PYM1: variants seen among roughly 807,000 people sequenced by gnomAD.
PYM1 encodes PYM1 exon junction complex associated factor.
Under a neutral mutation model 20.7 loss-of-function variants are expected in PYM1, and 7 were observed. The observed-to-expected ratio is 0.34, with a 90% CI of 0.19 to 0.64. The LOEUF is 0.64. PYM1 is among the 30% of genes least tolerant of loss of function. The pLI is 0.74. For missense variants in PYM1, 194 were observed against 250.0 expected (o/e 0.78, Z 1.51); for synonymous variants, 100 against 99.2 (o/e 1.01, Z -0.05).
chr12:55,922,445 CAA>C (rs56355933), intron 1 of PYM1, among the ~76,000 whole-genome samples: 4 of 86,218 alleles, frequency 4.6e-5, no homozygotes, highest in African/African-American at 9.1e-5. Context: ...CCATCTTTAC[CAA>C]AAAAAAAAAA....
At chr12:55,917,997 T>C (rs376478382) in intron 1 of PYM1, among the ~76,000 whole-genome samples, 14 of 151,812 alleles carry the variant, frequency 9.2e-5, no homozygotes, top group South Asian at 6.2e-4. Context: ...AACTTAACTA[T>C]TGGGTACTAA....
rs901587272 is a variant in PYM1, at chr12:55,927,796, G to T, written c.-35C>A. 8 of 1,535,078 alleles carry T rather than the reference G, an allele frequency of 5.2e-6. No homozygotes were observed. The highest frequency in any genetic ancestry group is 7.0e-6 in the Non-Finnish European group (8 of 1,144,816). Reference sequence around the variant, plus strand: ...GGCAGCGGACCAGGTTGGGCGGGCGGCCCTGGCCTGGCTCTGCCCCGCTGG... The same window carrying T: ...GGCAGCGGACCAGGTTGGGCGGGCGTCCCTGGCCTGGCTCTGCCCCGCTGG... On this transcript the variant is annotated 5_prime_UTR_variant, in exon 1 of 3. Coordinates refer to ENST00000408946, the MANE Select transcript of PYM1 (RefSeq NM_032345.3).
chr12:55,910,252 CATATATATATATAT>C (rs71074876), intron 1 of PYM1, among the ~76,000 whole-genome samples: 109,599 of 142,672 alleles, frequency 0.77, 42,102 homozygotes, highest in Middle Eastern at 0.84. Context: ...TGGTTTTATA[CATATATATATATAT>C]ATATATATAT....
At chr12:55,921,741 A>C (rs1310806431) in intron 1 of PYM1, among the ~76,000 whole-genome samples, 2 of 152,216 alleles carry the variant, frequency 1.3e-5, no homozygotes, top group African/African-American at 2.4e-5. Context: ...TCAAAACTGG[A>C]ACATTTGAGC....
At position 55,927,712 on chromosome 12, in the gene PYM1, G is replaced by T; in HGVS notation, c.37+13C>A. 6.5e-7 allele frequency: 1 copy of T among 1,539,476 alleles called. No homozygotes were observed. ...AGGGGCGTGCAAGGCGGAGGGCGCC[G>T]CGGGTCGGTCACCTGTCTCCGTAGC... On this transcript the variant is annotated intron_variant, in intron 1 of 2. Coordinates refer to ENST00000408946, the MANE Select transcript of PYM1 (RefSeq NM_032345.3).
chr12:55,910,284 TATAA>T lies in PYM1; in HGVS notation c.38-6808_38-6805del, dbSNP rs1365305402. ...ATATATATATATATATATATATATA[TATAA>T]AATTTTTTTTGAGACGGAATCTCAC... On this transcript the variant is annotated intron_variant, in intron 1 of 2. Coordinates refer to ENST00000408946, the MANE Select transcript of PYM1 (RefSeq NM_032345.3). Among the ~76,000 whole-genome samples, 16 of 142,054 alleles carry T rather than the reference TATAA, an allele frequency of 1.1e-4. No individual in the cohort carries two copies. In the Admixed American group the frequency reaches 1.1e-3, roughly 10 times the overall value. The allele number at this position is 142,054 out of a possible 152,430, so 93.2% of individuals were successfully genotyped here.
intron 1 of PYM1, among the ~76,000 whole-genome samples, chr12:55,918,470 C>T (rs1018926410): frequency 6.6e-6 from 1 of 152,142 alleles, no homozygotes; most frequent in Non-Finnish European, 1.5e-5. Context: ...TGGTGGCTCA[C>T]GTCTGTAATC....
rs1882698851 is a variant in PYM1 at position 55,901,987 on chromosome 12, A to G, written c.500T>C (p.Leu167Pro). The G allele has an allele frequency of 6.2e-7, 1 of 1,613,782 alleles. No homozygotes were observed. The highest frequency in any genetic ancestry group is 1.7e-5 in the Admixed American group (1 of 59,972). ...TTCCCCAGCCTGGATCCGCTGCTGC[A>G]GCTCTTCCACCTGCCGGAGTTTCTT... The part of the protein sequence containing the change: ...LKKKLRQVEE[L>P]QQRIQAGEVS... Residue 167 changes from leucine to proline, a missense_variant, in exon 3 of 3, where the codon CTG becomes CCG. Leu to Pro is a moderately conservative substitution (Grantham distance 98, BLOSUM62 -3). Coordinates refer to ENST00000408946, the MANE Select transcript of PYM1 (RefSeq NM_032345.3).
intron 1 of PYM1, among the ~76,000 whole-genome samples, chr12:55,919,904 A>G (rs948384965): frequency 6.9e-6 from 1 of 144,930 alleles, no homozygotes; most frequent in Non-Finnish European, 1.5e-5. Context: ...AAAAAAAAAG[A>G]AAAAGAAAAA....
chr12:55,924,716 GC>G (rs1565719156), intron 1 of PYM1, among the ~76,000 whole-genome samples: 2 of 152,012 alleles, frequency 1.3e-5, no homozygotes, highest in South Asian at 2.1e-4. Flanking sequence ...TCGCTCTGTC[GC>G]CCAGGCTGGA....
chr12:55,906,529 T>C, intron 1 of PYM1, among the ~76,000 whole-genome samples: 1 of 152,122 alleles, frequency 6.6e-6, no homozygotes, highest in African/African-American at 2.4e-5. Flanking sequence ...TAAATAAGCA[T>C]GATTATGAGA....
intron 1 of PYM1, among the ~76,000 whole-genome samples, chr12:55,912,896 G>A (rs1183949930): frequency 6.8e-5 from 10 of 147,638 alleles, no homozygotes; most frequent in Admixed American, 6.1e-4. Context: ...CCCGGGAGGC[G>A]GAGGTTGCAG....
chr12:55,923,179 T>G (rs966602201), intron 1 of PYM1, among the ~76,000 whole-genome samples: 1 of 151,770 alleles, frequency 6.6e-6, no homozygotes, highest in African/African-American at 2.4e-5. Context: ...AGCTGAGATC[T>G]CACCATTGCA....
At chr12:55,912,892 A>C (rs1882949369) in intron 1 of PYM1, among the ~76,000 whole-genome samples, 1 of 151,476 alleles carries the variant, frequency 6.6e-6, no homozygotes, top group African/African-American at 2.4e-5. Context: ...TGAACCCGGG[A>C]GGCGGAGGTT....
chr12:55,905,854 A>ATATTAGATACATATATATC (rs1565714384), intron 1 of PYM1, among the ~76,000 whole-genome samples: 10 of 35,492 alleles, frequency 2.8e-4, no homozygotes, highest in Admixed American at 1.4e-3. Context: ...TATATATTAT[A>ATATTAGATACATATATATC]TATTAGATAT....
intron 1 of PYM1, among the ~76,000 whole-genome samples, chr12:55,911,065 G>A (rs1430197544): frequency 6.6e-6 from 1 of 152,102 alleles, no homozygotes; most frequent in Non-Finnish European, 1.5e-5. Flanking sequence ...CATTGGGAGA[G>A]CCTGGAAGAA....
intron 1 of PYM1, among the ~76,000 whole-genome samples, chr12:55,910,568 G>A (rs1411955621): frequency 6.6e-6 from 1 of 151,942 alleles, no homozygotes; most frequent in South Asian, 2.1e-4. Flanking sequence ...TCAGTCTCCC[G>A]AGTACCTGGG....
At chr12:55,926,467 T>C (rs1453089423) in intron 1 of PYM1, among the ~76,000 whole-genome samples, 1 of 152,150 alleles carries the variant, frequency 6.6e-6, no homozygotes, top group African/African-American at 2.4e-5. Flanking sequence ...ACCCCTCAAT[T>C]TCTATCACCA....
intron 1 of PYM1, among the ~76,000 whole-genome samples, chr12:55,911,987 G>A (rs775269914): frequency 6.6e-6 from 1 of 152,158 alleles, no homozygotes; most frequent in Non-Finnish European, 1.5e-5. Context: ...TAGTCCTCAT[G>A]TGGTAGGATC....
Sources: allele counts gnomAD v4.1 joint callset (sites outside exome capture counted in the v4.1 genomes callset), GRCh38; gene constraint gnomAD v4.1.1; transcripts MANE v1.5; gene names NCBI Gene and HGNC (gene_info 2026-07-23, HGNC 2026-07-21).